SLC17A7: variants seen among roughly 807,000 people sequenced by gnomAD.
SLC17A7 encodes the protein vesicular glutamate transporter 1.
In SLC17A7, 15 loss-of-function variants were observed where a neutral mutation model predicts 59.1. That is an observed-to-expected ratio of 0.25 (90% CI 0.17 to 0.39). The LOEUF is 0.39. Among genes scored for constraint, SLC17A7 ranks in the 10% least tolerant of loss-of-function variants. SLC17A7 has a pLI of 1.00. For synonymous variants in SLC17A7, 353 were observed against 308.9 expected (o/e 1.14, Z -1.50); for missense variants, 499 against 765.1 (o/e 0.65, Z 4.10).
At chr19:49,435,050 AC>A (rs1345121606) in intron 3 of SLC17A7, 117 bp downstream of exon 3, 3 of 1,017,038 alleles carry the variant, frequency 2.9e-6, no homozygotes, top group Non-Finnish European at 4.5e-6. Context: ...TCTAAGACCC[AC>A]CCCCAAATCC....
chr19:49,440,629 C>T (rs1244191496), intron 1 of SLC17A7, among the ~76,000 whole-genome samples: 1 of 152,220 alleles, frequency 6.6e-6, no homozygotes, highest in Non-Finnish European at 1.5e-5. Context: ...CAGCCTCACC[C>T]CCTCAAGGAC....
At chr19:49,432,379 T>A in intron 9 of SLC17A7, 140 bp downstream of exon 9, 1 of 1,202,422 alleles carries the variant, frequency 8.3e-7, no homozygotes, top group Non-Finnish European at 1.1e-6. Context: ...TCCACCCTGT[T>A]GGCCACGGCC....
At position 49,436,677 on chromosome 19, in the gene SLC17A7, A is replaced by T. The variant is rs1224213332; in HGVS notation, c.187T>A (p.Tyr63Asn). The change falls in exon 2 of 12, where the codon TAC becomes AAC. Residue 63 changes from tyrosine to asparagine, a missense_variant. Tyr to Asn is a moderately radical substitution (Grantham distance 143). This residue lies in a region of SLC17A7 where 323 missense variants were observed against 607.2 expected (regional missense o/e 0.53). Coordinates refer to ENST00000221485, the MANE Select transcript of SLC17A7 (RefSeq NM_020309.4). This position sits in a 1 kb window ranked among gnomAD's most constrained non-coding sequence, Gnocchi z 4.1. ...DCTCFGLPRR[Y>N]IIAIMSGLGF... is the part of the protein sequence containing the mutation. ...AGACCACTCATGATGGCGATAATGT[A>T]GCGGCGAGGGAGGCCGAAGCAGGTG... is the stretch of plus-strand genomic sequence containing the variant. 8 of 1,613,944 alleles carry T rather than the reference A, an allele frequency of 5.0e-6. No homozygotes were observed. Among genetic ancestry groups the T allele is most frequent in the Non-Finnish European group, 6.8e-6 (8 of 1,179,972 alleles).
At chr19:49,435,642 C>CG in intron 2 of SLC17A7, 1 of 179,774 alleles carries the variant, frequency 5.6e-6, no homozygotes, top group East Asian at 1.5e-4. Context: ...AGGGTCCAGG[C>CG]GGGGACACGA....
At chr19:49,438,476 A>T (rs1174160447) in intron 1 of SLC17A7, among the ~76,000 whole-genome samples, 1 of 151,688 alleles carries the variant, frequency 6.6e-6, no homozygotes, top group South Asian at 2.1e-4. Context: ...GGGACGGGGG[A>T]GGAAGGAACA....
In SLC17A7 at chr19:49,441,331, C is replaced by G. The variant is rs762594814; in HGVS notation, c.49G>C (p.Gly17Arg). ...CGCCAGGCTCACCGGTGCAGCTTCC[C>G]GAGAGCACGACCCGCTAGCTTCCGA... ...EFRKLAGRALGKLHRLLEKRQ... is the reference protein window; with the variant it reads ...EFRKLAGRALRKLHRLLEKRQ... Residue 17 changes from glycine (G) to arginine (R), a missense_variant, in exon 1 of 12, where the codon GGG becomes CGG. Around this residue, in one of 3 missense-constraint regions of SLC17A7, gnomAD observed 78 missense variants for 80.4 expected, o/e 0.97. Transcript: ENST00000221485. 16 of 1,610,090 alleles carry G rather than the reference C, an allele frequency of 9.9e-6. No homozygotes were observed. Among genetic ancestry groups the G allele is most frequent in the Non-Finnish European group, 1.2e-5 (14 of 1,179,046 alleles).
At chr19:49,439,398 A>G (rs2078991482) in intron 1 of SLC17A7, among the ~76,000 whole-genome samples, 1 of 152,108 alleles carries the variant, frequency 6.6e-6, no homozygotes, top group Admixed American at 6.5e-5. Flanking sequence ...CTCAGAAAGG[A>G]GGCACCTTGG....
chr19:49,430,475 G>A lies in SLC17A7; in HGVS notation c.*44C>T. 1 of 1,418,872 alleles carries A rather than the reference G, an allele frequency of 7.0e-7. No individual in the cohort carries two copies. The highest frequency in any genetic ancestry group is 9.6e-7 in the Non-Finnish European group (1 of 1,037,814). 87.9% of individuals were successfully genotyped at this position (1,418,872 alleles called of 1,614,324 possible). On this transcript the variant is annotated 3_prime_UTR_variant, in exon 12 of 12. Transcript: ENST00000221485. ...ACTGTCACTCAGGCCAGAGATGAGT[G>A]GAATGGAGGTCCTGGAAACTGCCAT...
chr19:49,437,385 G>A (rs894501829), intron 1 of SLC17A7: 51 of 157,130 alleles, frequency 3.2e-4, no homozygotes, highest in Non-Finnish European at 5.1e-4. Flanking sequence ...CCTGGCAGGG[G>A]ACAGATGGCC....
At position 49,431,981 on chromosome 19, in the gene SLC17A7, A is replaced by C. The variant is rs147531197; in HGVS notation, c.1151-533T>G. 2.9e-4 allele frequency among the ~76,000 whole-genome samples: 44 copies of C among 152,162 alleles called. No individual in the cohort carries two copies. Among genetic ancestry groups the C allele is most frequent in the African/African-American group, 1.0e-3 (43 of 41,528 alleles). On this transcript the variant is annotated intron_variant, in intron 9 of 11. Transcript: ENST00000221485. The surrounding 1 kb of genome is among the most constrained non-coding windows in gnomAD (Gnocchi z 4.6). ...TTGTAATTTTAATTTTTCTAGAAAC[A>C]AAGTCTCGCTCTGTCGCCCAGGCTG...
At chr19:49,437,102 C>T in intron 1 of SLC17A7, 1 of 489,300 alleles carries the variant, frequency 2.0e-6, no homozygotes, top group East Asian at 3.6e-5. Context: ...CCAGACAACC[C>T]TTTGGGATTC....
chr19:49,434,565 C>G (rs78461219), intron 5 of SLC17A7, 37 bp downstream of exon 5: 1 of 1,564,658 alleles, frequency 6.4e-7, no homozygotes, highest in South Asian at 1.2e-5. Flanking sequence ...ACCCCTCCTC[C>G]CTCAGATTCA....
chr19:49,441,214 C>G, intron 1 of SLC17A7, 104 bp downstream of exon 1: 1 of 1,527,468 alleles, frequency 6.5e-7, no homozygotes, highest in Non-Finnish European at 8.8e-7. Context: ...GGTGGACCCC[C>G]ATGCCGGGGT....
At chr19:49,434,124 C>A (rs1392411330) in intron 5 of SLC17A7, 78 bp from the exon 6 acceptor site, 1 of 932,366 alleles carries the variant, frequency 1.1e-6, no homozygotes, top group Non-Finnish European at 1.7e-6. Context: ...CCGCTTCCCC[C>A]TTTCCAGACA....
rs2079000053 is a variant in SLC17A7 at position 49,441,506 on chromosome 19, C to CG, written c.-128dup. ...GCCCGGCCGGCCCCGCAGCTCCGCT[C>CG]GGGGGGAAGGAGGCTGCAAGTGCAG... On this transcript the variant is annotated 5_prime_UTR_variant, in exon 1 of 12. Coordinates refer to ENST00000221485, the MANE Select transcript of SLC17A7 (RefSeq NM_020309.4). The CG allele has an allele frequency of 6.6e-6, 7 of 1,056,560 alleles. No homozygotes were observed. Among genetic ancestry groups the CG allele is most frequent in the African/African-American group, 3.4e-5 (2 of 58,316 alleles). The allele number at this position is 1,056,560 out of a possible 1,614,324, so 65.4% of individuals were successfully genotyped here. A position where few individuals can be genotyped will look rare whatever the true frequency, so the allele number is the denominator to read the frequency against.
At position 49,436,963 on chromosome 19, in the gene SLC17A7, T is replaced by A. The variant is rs2078982297; in HGVS notation, c.63-162A>T. On this transcript the variant is annotated intron_variant, in intron 1 of 11. Coordinates refer to ENST00000221485, the MANE Select transcript of SLC17A7 (RefSeq NM_020309.4). This position sits in a 1 kb window ranked among gnomAD's most constrained non-coding sequence, Gnocchi z 4.1. The stretch of plus-strand genomic sequence containing the variant: ...AGGTCCCTGGCTCCCTTCGCCCCCC[T>A]GATCCAGAAATCCTCCATCTCCCTC... 2 of 1,045,124 alleles carry A rather than the reference T, an allele frequency of 1.9e-6. No homozygotes were observed. The highest frequency in any genetic ancestry group is 2.7e-5 in the East Asian group (1 of 37,716). 64.7% of individuals were successfully genotyped at this position (1,045,124 alleles called of 1,614,324 possible).
At position 49,432,971 on chromosome 19, in the gene SLC17A7, G is replaced by A; in HGVS notation, c.868-11C>T. 1 of 1,603,912 alleles carries A rather than the reference G, an allele frequency of 6.2e-7. No individual in the cohort carries two copies. The highest frequency in any genetic ancestry group is 1.1e-5 in the South Asian group (1 of 88,864). Reference sequence around the variant, plus strand: ...GGGAGTGCTAAACTTCTGTGGGGGCGAGGGGAGGGCCGCTAAGACGGGGAG... The same window carrying A: ...GGGAGTGCTAAACTTCTGTGGGGGCAAGGGGAGGGCCGCTAAGACGGGGAG... On this transcript the variant is annotated splice_polypyrimidine_tract_variant and intron_variant, in intron 7 of 11. Transcript: ENST00000221485.
In SLC17A7 at chr19:49,431,275, G is replaced by T. The variant is rs892448261; in HGVS notation, c.1261+63C>A. ...TGTGAGGCTGAGAGGCCCCGTTCCTGAGCCAGGAAGTTCCCTACAGAGCTG... is the reference window on the plus strand; with the variant it reads ...TGTGAGGCTGAGAGGCCCCGTTCCTTAGCCAGGAAGTTCCCTACAGAGCTG... On this transcript the variant is annotated intron_variant, in intron 10 of 11. Transcript: ENST00000221485. This position sits in a 1 kb window ranked among gnomAD's most constrained non-coding sequence, Gnocchi z 4.6. 1.9e-6 allele frequency: 3 copies of T among 1,590,136 alleles called. No homozygotes were observed. Among genetic ancestry groups the T allele is most frequent in the Non-Finnish European group, 2.6e-6 (3 of 1,162,822 alleles).
intron 1 of SLC17A7, among the ~76,000 whole-genome samples, chr19:49,440,556 G>A (rs766493599): frequency 1.8e-4 from 27 of 152,242 alleles, no homozygotes; most frequent in African/African-American, 3.1e-4. Context: ...CCCAGGAGCC[G>A]AAATTTTTGG....
Sources: allele counts gnomAD v4.1 joint callset (sites outside exome capture counted in the v4.1 genomes callset), GRCh38; gene constraint gnomAD v4.1.1; regional missense constraint gnomAD v4.1.1; non-coding constraint Gnocchi (gnomAD v3.1); transcripts MANE v1.5; gene names NCBI Gene and HGNC (gene_info 2026-07-23, HGNC 2026-07-21).